Variants in GNL3L observed in about 807,000 individuals in gnomAD.
GNL3L encodes the protein G protein nucleolar 3 like.
A neutral mutation model predicts 42.9 loss-of-function variants in GNL3L; 4 were observed. That is an observed-to-expected ratio of 0.09 (90% confidence interval 0.05 to 0.21). The LOEUF (loss-of-function observed/expected upper bound fraction) is 0.21. GNL3L is among the 10% of genes least tolerant of loss of function. The probability of loss-of-function intolerance (pLI) is 1.00; values close to 1 mark genes in which losing one functional copy is unlikely to be tolerated. For synonymous variants in GNL3L, 159 were observed against 176.3 expected, an observed-to-expected ratio of 0.90 and a Z score of 0.78; for missense variants, 412 against 481.7, an observed-to-expected ratio of 0.86 and a Z score of 1.36.
intron 1 of GNL3L, among the ~76,000 whole-genome samples, chrX:54,532,070 G>A (rs1268282315): frequency 1.8e-5 from 2 of 110,935 alleles, no homozygotes; most frequent in Admixed American, 9.6e-5. Flanking sequence ...CAGGGTAGAT[G>A]AGATATAGAA....
intron 16 of GNL3L, among the ~76,000 whole-genome samples, chrX:54,619,754 T>G (rs1418470138): frequency 9.0e-6 from 1 of 111,043 alleles, no homozygotes; most frequent in Non-Finnish European, 1.9e-5. Context: ...GATCTAGGGA[T>G]ATGGATGTTA....
At chrX:54,630,607 G>A in the GNL3L span, among the ~76,000 whole-genome samples, 6 of 109,230 alleles carry the variant, frequency 5.5e-5, no homozygotes, top group South Asian at 2.4e-3. Flanking sequence ...TTCCACTGTA[G>A]TCTGAGAGAG....
intron 2 of GNL3L, 101 bp from the exon 3 acceptor site, chrX:54,538,939 T>C: frequency 8.0e-6 from 4 of 497,473 alleles, no homozygotes; most frequent in Non-Finnish European, 1.3e-5. Flanking sequence ...TATCTGAGGC[T>C]TCCTAGCTAG....
the GNL3L span, among the ~76,000 whole-genome samples, chrX:54,637,441 A>G: frequency 1.8e-5 from 2 of 111,588 alleles, no homozygotes; most frequent in Non-Finnish European, 3.8e-5. Context: ...TTGTATGTAT[A>G]CACACATATA....
chrX:54,636,518 G>GCCCCCT, the GNL3L span, among the ~76,000 whole-genome samples: 1 of 110,363 alleles, frequency 9.1e-6, no homozygotes, highest in Non-Finnish European at 1.9e-5. Flanking sequence ...TTCAACCCTG[G>GCCCCCT]CCCCCTCCCC....
At chrX:54,548,508 G>A in intron 9 of GNL3L, 135 bp downstream of exon 9, 1 of 514,014 alleles carries the variant, frequency 1.9e-6, no homozygotes. Context: ...TTCGTGATTT[G>A]TAACTTGGAT....
At chrX:54,613,568 G>GT (rs1263416321) in intron 16 of GNL3L, among the ~76,000 whole-genome samples, 6 of 109,805 alleles carry the variant, frequency 5.5e-5, no homozygotes, top group Non-Finnish European at 1.1e-4. Flanking sequence ...GGTAGGCTCT[G>GT]TTAGAGGGAA....
At position 54,564,929 on chromosome X, in the gene GNL3L, T is replaced by G. The variant is rs1408976603; in HGVS notation, c.*4327T>G. ...TTGTATTTTTAGTAGAGGCGGGGGT[T>G]TCTCCACACTGGCCAGGCTGGTCTT... is the stretch of plus-strand genomic sequence containing the variant. On this transcript the variant is annotated 3_prime_UTR_variant, in exon 16 of 16. Transcript: ENST00000360845. 9.3e-6 allele frequency among the ~76,000 whole-genome samples: 1 copy of G among 107,058 alleles called. No individual in the cohort carries two copies. The highest frequency in any genetic ancestry group is 1.9e-5 in the Non-Finnish European group (1 of 52,004). 93.0% of individuals were successfully genotyped at this position (107,058 alleles called of 115,157 possible).
intron 16 of GNL3L, among the ~76,000 whole-genome samples, chrX:54,575,045 T>G (rs1308470572): frequency 1.8e-5 from 2 of 112,320 alleles, no homozygotes; most frequent in Non-Finnish European, 3.8e-5. Context: ...TCAAATTTGT[T>G]GATCTTTTTG....
At chrX:54,627,375 A>G in the GNL3L span, among the ~76,000 whole-genome samples, 1 of 109,264 alleles carries the variant, frequency 9.2e-6, no homozygotes, top group African/African-American at 3.3e-5. Flanking sequence ...TTCTGACTTT[A>G]TTTATTTGGG....
intron 16 of GNL3L, among the ~76,000 whole-genome samples, chrX:54,600,369 G>A (rs1925991321): frequency 9.3e-6 from 1 of 107,588 alleles, no homozygotes; most frequent in Admixed American, 1.0e-4. Flanking sequence ...TGGGATTACA[G>A]GCATGTGCCA....
downstream of GNL3L, among the ~76,000 whole-genome samples, chrX:54,568,796 A>G (rs1046784420): frequency 4.5e-5 from 5 of 111,789 alleles, no homozygotes; most frequent in Non-Finnish European, 9.4e-5. Context: ...CTCATGATCC[A>G]TCTGCCTGGG....
chrX:54,550,205 CGAGAGA>C (rs58576849), intron 9 of GNL3L, among the ~76,000 whole-genome samples: 11 of 91,162 alleles, frequency 1.2e-4, no homozygotes, highest in Admixed American at 3.7e-4. Context: ...TGGGAATGAC[CGAGAGA>C]GAGAGAGAGA....
chrX:54,635,917 G>A, the GNL3L span, among the ~76,000 whole-genome samples: 1 of 110,910 alleles, frequency 9.0e-6, no homozygotes, highest in Non-Finnish European at 1.9e-5. Context: ...TGTGTCTTGT[G>A]TGGAGCATGC....
chrX:54,552,823 C>A (rs1178800782), intron 13 of GNL3L, among the ~76,000 whole-genome samples: 1 of 111,699 alleles, frequency 9.0e-6, no homozygotes, highest in Non-Finnish European at 1.9e-5. Context: ...CTTCTTACCC[C>A]TATCGGTGAG....
intron 8 of GNL3L, among the ~76,000 whole-genome samples, chrX:54,547,201 T>G (rs1189293352): frequency 1.1e-4 from 12 of 108,391 alleles, no homozygotes; most frequent in African/African-American, 4.0e-4. Flanking sequence ...TTTGCCACGT[T>G]GGCCAGGCTG....
At chrX:54,579,983 T>TTTG (rs1925686122) in intron 16 of GNL3L, among the ~76,000 whole-genome samples, 4 of 87,441 alleles carry the variant, frequency 4.6e-5, no homozygotes, top group African/African-American at 2.2e-4. Context: ...TGGCCTAAAG[T>TTTG]TTGTTTTTTT....
At chrX:54,550,323 T>C (rs757966491) in intron 9 of GNL3L, among the ~76,000 whole-genome samples, 1 of 109,820 alleles carries the variant, frequency 9.1e-6, no homozygotes, top group Admixed American at 9.7e-5. Context: ...AGAGGCTTCA[T>C]GCACGAGAGG....
chrX:54,553,151 T>C (rs1298722698), intron 13 of GNL3L, among the ~76,000 whole-genome samples: 2 of 112,196 alleles, frequency 1.8e-5, no homozygotes, highest in African/African-American at 6.5e-5. Flanking sequence ...ATATAGTAAA[T>C]AGATGCTCAG....
Sources: allele counts gnomAD v4.1 joint callset (sites outside exome capture counted in the v4.1 genomes callset), GRCh38; gene constraint gnomAD v4.1.1; transcripts MANE v1.5; gene names NCBI Gene and HGNC (gene_info 2026-07-23, HGNC 2026-07-21).